KTN1: variants seen among roughly 807,000 people sequenced by gnomAD.
KTN1 encodes the protein kinectin.
Under a neutral mutation model 222.5 loss-of-function variants are expected in KTN1, and 130 were observed. The ratio of observed to expected loss-of-function variants is 0.58; its 90% confidence interval spans 0.51 to 0.68. The LOEUF is 0.68. Ranked by LOEUF, KTN1 falls within the 30% of genes least tolerant of loss-of-function variation. KTN1 has a pLI of 0.00. For synonymous variants in KTN1, 512 were observed against 496.3 expected (o/e 1.03, Z -0.42); for missense variants, 1,508 against 1,500.4 (o/e 1.01, Z -0.08).
At chr14:55,647,614 CAA>C (rs1421945931) in intron 19 of KTN1, among the ~76,000 whole-genome samples, 1 of 102,772 alleles carries the variant, frequency 9.7e-6, no homozygotes, top group South Asian at 3.4e-4. Context: ...GCCTGGGCGA[CAA>C]GAGTGAAACT....
Position 55,612,515 on chromosome 14 carries a change from C to T in KTN1, c.467C>T (p.Ser156Phe). The change falls in exon 2 of 44, where the codon TCT becomes TTT. Residue 156 changes from serine to phenylalanine, a missense_variant. Transcript: ENST00000395314. ...VPVTKQPTPP[S>F]EAAASKKKPG... ...GTTACTAAACAGCCCACCCCTCCCT[C>T]TGAAGCAGCTGCCTCGAAGAAGAAA... The T allele has an allele frequency of 6.2e-7, 1 of 1,607,278 alleles. No individual in the cohort carries two copies.
intron 1 of KTN1, among the ~76,000 whole-genome samples, chr14:55,587,755 C>G (rs562022016): frequency 3.3e-5 from 5 of 152,140 alleles, no homozygotes; most frequent in Non-Finnish European, 7.4e-5. Flanking sequence ...GCTCTTATTT[C>G]TGGGTACAGT....
intron 23 of KTN1, 50 bp from the exon 24 acceptor site, chr14:55,650,519 C>G (rs1369761359): frequency 6.5e-7 from 1 of 1,536,266 alleles, no homozygotes; most frequent in East Asian, 2.3e-5. Context: ...CATTTTATGT[C>G]AATTTCTGTG....
intron 1 of KTN1, among the ~76,000 whole-genome samples, chr14:55,585,023 T>G (rs756770229): frequency 5.9e-5 from 9 of 151,402 alleles, no homozygotes; most frequent in African/African-American, 1.9e-4. Context: ...TCCCGGCTTC[T>G]TGGGAGGCTG....
intron 34 of KTN1, among the ~76,000 whole-genome samples, chr14:55,669,792 G>C (rs1414908431): frequency 6.6e-6 from 1 of 151,944 alleles, no homozygotes; most frequent in Non-Finnish European, 1.5e-5. Context: ...TAAAGGTATT[G>C]TACTATGGAG....
intron 29 of KTN1, among the ~76,000 whole-genome samples, chr14:55,656,972 A>G (rs903252818): frequency 3.3e-5 from 5 of 152,228 alleles, no homozygotes; most frequent in African/African-American, 7.2e-5. Flanking sequence ...TAGAAAATCA[A>G]TATCTTACCT....
chr14:55,606,768 A>C (rs1184611420), intron 1 of KTN1, among the ~76,000 whole-genome samples: 1 of 152,132 alleles, frequency 6.6e-6, no homozygotes, highest in Non-Finnish European at 1.5e-5. Context: ...TTCAATGTGC[A>C]ATTTTAAAAG....
intron 37 of KTN1, 91 bp downstream of exon 37, chr14:55,671,968 C>T (rs1353476942): frequency 7.9e-6 from 6 of 756,218 alleles, no homozygotes; most frequent in African/African-American, 3.5e-5. Flanking sequence ...TTCTTGGGCC[C>T]CAACCCAGCT....
At chr14:55,594,243 A>C (rs933703717) in intron 1 of KTN1, among the ~76,000 whole-genome samples, 1 of 152,164 alleles carries the variant, frequency 6.6e-6, no homozygotes, top group South Asian at 2.1e-4. Context: ...CCTGAGTAGT[A>C]TTCACAGTGT....
rs1238566569 is a variant in KTN1 at position 55,675,881 on chromosome 14, A to G, written c.3818A>G (p.Gln1273Arg). The change falls in exon 41 of 44, where the codon CAA becomes CGA. Residue 1273 changes from glutamine (Q) to arginine (R), a missense_variant. Transcript: ENST00000395314. ...NETLTKLRTE[Q>R]NERQKVAGDL... ...ACACTCACAAAACTTAGAACTGAAC[A>G]AAATGAAAGACAGAAGGTAGCTGGT... 1 of 1,613,470 alleles carries G rather than the reference A, an allele frequency of 6.2e-7. No homozygotes were observed. Among genetic ancestry groups the G allele is most frequent in the African/African-American group, 1.3e-5 (1 of 74,922 alleles).
chr14:55,659,968 A>G (rs1462453222), intron 31 of KTN1, among the ~76,000 whole-genome samples: 1 of 152,220 alleles, frequency 6.6e-6, no homozygotes, highest in Non-Finnish European at 1.5e-5. Flanking sequence ...AAGTTAAACT[A>G]TACTTTGCAG....
At chr14:55,642,550 G>C (rs2041907029) in intron 18 of KTN1, among the ~76,000 whole-genome samples, 1 of 152,168 alleles carries the variant, frequency 6.6e-6, no homozygotes, top group Non-Finnish European at 1.5e-5. Flanking sequence ...CATTAGAATA[G>C]GAAGTTTGCG....
At chr14:55,659,747 T>G in intron 31 of KTN1, 44 bp downstream of exon 31, 1 of 1,075,904 alleles carries the variant, frequency 9.3e-7, no homozygotes, top group Non-Finnish European at 1.4e-6. Flanking sequence ...TCGTAACTAT[T>G]TTTATGTGGT....
intron 27 of KTN1, 131 bp from the exon 28 acceptor site, chr14:55,653,428 A>G: frequency 1.5e-6 from 1 of 653,016 alleles, no homozygotes; most frequent in Non-Finnish European, 2.6e-6. Context: ...TTTATAAATG[A>G]CCCAATCTTA....
At position 55,605,708 on chromosome 14, in the gene KTN1, A is replaced by G. The variant is rs188244680; in HGVS notation, c.-30-6311A>G. 6.0e-3 allele frequency among the ~76,000 whole-genome samples: 909 copies of G among 152,298 alleles called. 4 individuals carry two copies. Among genetic ancestry groups the G allele is most frequent in the Non-Finnish European group, 9.4e-3 (642 of 68,020 alleles). ...CATTTTACTGCCTCATTATATTGCTATTCACTAATCTTAAAATAATTTACT... is the reference window on the plus strand; with the variant it reads ...CATTTTACTGCCTCATTATATTGCTGTTCACTAATCTTAAAATAATTTACT... On this transcript the variant is annotated intron_variant, in intron 1 of 43. Coordinates refer to ENST00000395314, the MANE Select transcript of KTN1 (RefSeq NM_001079521.2).
At chr14:55,668,251 G>C (rs960907885) in intron 34 of KTN1, 1 of 151,902 alleles carries the variant, frequency 6.6e-6, no homozygotes, top group Non-Finnish European at 1.5e-5. Context: ...ACTGTAGTTT[G>C]TTTTAATCAG....
chr14:55,667,115 G>A (rs918964630), intron 33 of KTN1, 126 bp from the exon 34 acceptor site: 1 of 599,370 alleles, frequency 1.7e-6, no homozygotes, highest in African/African-American at 2.0e-5. Flanking sequence ...ATATTTGTTA[G>A]TATTAAAAAT....
chr14:55,604,281 C>T (rs138997097), intron 1 of KTN1, among the ~76,000 whole-genome samples: 4 of 152,216 alleles, frequency 2.6e-5, no homozygotes, highest in African/African-American at 9.6e-5. Context: ...TGTGCTTGCT[C>T]TTCCCTCATT....
chr14:55,659,457 A>G (rs577067440), intron 30 of KTN1, among the ~76,000 whole-genome samples: 20 of 152,284 alleles, frequency 1.3e-4, no homozygotes, highest in Admixed American at 1.1e-3. Flanking sequence ...ACGTTGCGAC[A>G]GTAGAGATTG....
Sources: gnomAD v4.1 joint callset for allele counts (sites outside exome capture counted in the v4.1 genomes callset) on GRCh38, gnomAD v4.1.1 for gene constraint, MANE v1.5 for transcripts, NCBI Gene and HGNC (gene_info 2026-07-23, HGNC 2026-07-21) for gene names.